Variants in PRKACB observed in about 807,000 individuals in gnomAD.
PRKACB encodes the protein protein kinase cAMP-activated catalytic subunit beta.
In PRKACB, 16 loss-of-function variants were observed where a neutral mutation model predicts 51.4. The observed-to-expected ratio is 0.31, with a 90% CI of 0.21 to 0.47. PRKACB has a LOEUF of 0.47. Among genes scored for constraint, PRKACB ranks in the 20% least tolerant of loss-of-function variants. The pLI is 1.00. For synonymous variants in PRKACB, 147 were observed against 154.4 expected (o/e 0.95, Z 0.35); for missense variants, 309 against 464.5 (o/e 0.67, Z 3.08).
At chr1:84,219,566 A>C (rs1456148871) in intron 9 of PRKACB, among the ~76,000 whole-genome samples, 2 of 151,680 alleles carry the variant, frequency 1.3e-5, no homozygotes, top group African/African-American at 4.9e-5. Flanking sequence ...GTTTTCTTCT[A>C]GTATTGTTAT....
chr1:84,125,669 A>G lies in PRKACB; in HGVS notation c.46+47298A>G, dbSNP rs543595310. On this transcript the variant is annotated intron_variant, in intron 1 of 8. Transcript: ENST00000370688. ...TAAGAGGAGGATCTACTTAATAGTT[A>G]AAGAAAATTTAAACCATCTTTCTTC... Among the ~76,000 whole-genome samples the G allele has an allele frequency of 1.0e-3, 157 of 152,330 alleles. 1 individual carries two copies. Among genetic ancestry groups the G allele is most frequent in the Non-Finnish European group, 1.9e-3 (127 of 68,020 alleles).
chr1:84,159,981 G>A (rs1022056036), intron 1 of PRKACB, among the ~76,000 whole-genome samples: 3 of 151,996 alleles, frequency 2.0e-5, no homozygotes, highest in Non-Finnish European at 4.4e-5. Flanking sequence ...TAAGTTTGCT[G>A]GCATTTTGAT....
intron 1 of PRKACB, among the ~76,000 whole-genome samples, chr1:84,121,050 T>A (rs1651023144): frequency 6.6e-6 from 1 of 152,128 alleles, no homozygotes; most frequent in Admixed American, 6.6e-5. Context: ...GTTTTATGTA[T>A]CTTTGTTATT....
chr1:84,109,274 G>A (rs1300407269), intron 1 of PRKACB, among the ~76,000 whole-genome samples: 1 of 151,818 alleles, frequency 6.6e-6, no homozygotes, highest in African/African-American at 2.4e-5. Flanking sequence ...CTAGGAGTAG[G>A]CATTCAGCTT....
intron 9 of PRKACB, among the ~76,000 whole-genome samples, chr1:84,219,761 A>G (rs576409346): frequency 4.0e-5 from 6 of 151,352 alleles, no homozygotes; most frequent in Non-Finnish European, 7.4e-5. Context: ...CTTAGGTGTA[A>G]TATGTGGATT....
rs1312898898 is a variant in PRKACB, at chr1:84,237,702, T to C, written c.*2397T>C. 1 of 152,158 alleles carries C rather than the reference T, an allele frequency of 6.6e-6. No individual in the cohort carries two copies. Among genetic ancestry groups the C allele is most frequent in the African/African-American group, 2.4e-5 (1 of 41,454 alleles). 9.4% of individuals were successfully genotyped at this position (152,158 alleles called of 1,614,324 possible). ...ATAAGATAAAAACTTGAATAAGAAG[T>C]AAGTAGCATAAATCAGTATTTAACC... On this transcript the variant is annotated 3_prime_UTR_variant, in exon 10 of 10. Coordinates refer to ENST00000370685, the MANE Select transcript of PRKACB (RefSeq NM_182948.4).
chr1:84,202,745 C>G lies in PRKACB; in HGVS notation c.846C>G (p.Gly282=), dbSNP rs754284090. Residue 282 remains glycine, a synonymous_variant, in exon 8 of 10, where the codon GGC becomes GGG. Transcript: ENST00000370685. ...LGVLIYEMAA[G]YPPFFADQPI... ...TGCTAATCTATGAAATGGCAGCTGG[C>G]TATCCCCCATTCTTTGCAGACCAAC... 1.9e-6 allele frequency: 3 copies of G among 1,609,998 alleles called. No homozygotes were observed. The highest frequency in any genetic ancestry group is 2.2e-5 in the East Asian group (1 of 44,734).
rs781174593 is a variant in PRKACB, at chr1:84,235,417, C to A, written c.*112C>A. The A allele has an allele frequency of 7.1e-7, 1 of 1,403,180 alleles. No homozygotes were observed. The highest frequency in any genetic ancestry group is 9.8e-7 in the Non-Finnish European group (1 of 1,017,894). The allele number at this position is 1,403,180 out of a possible 1,614,324, so 86.9% of individuals were successfully genotyped here. On this transcript the variant is annotated 3_prime_UTR_variant, in exon 10 of 10. Transcript: ENST00000370685. ...CAGTTACCTAGTTCCTTCATTCCAA[C>A]GACTGAGTGAGGTCTTTATTGCCAT...
chr1:84,097,599 G>T (rs1649021434), intron 1 of PRKACB, among the ~76,000 whole-genome samples: 1 of 151,918 alleles, frequency 6.6e-6, no homozygotes, highest in Admixed American at 6.6e-5. Context: ...GATTATGGAG[G>T]CTGATAAGTC....
intron 8 of PRKACB, among the ~76,000 whole-genome samples, chr1:84,211,887 A>T (rs751015318): frequency 5.9e-5 from 9 of 152,212 alleles, no homozygotes; most frequent in Non-Finnish European, 1.3e-4. Flanking sequence ...AGAAGTTCAC[A>T]TATCTTATTA....
intron 9 of PRKACB, among the ~76,000 whole-genome samples, chr1:84,229,394 G>C (rs1479769486): frequency 1.4e-5 from 1 of 73,704 alleles, no homozygotes; most frequent in African/African-American, 5.5e-5. Context: ...ATAAACATAC[G>C]TGTGCATGTG....
intron 1 of PRKACB, among the ~76,000 whole-genome samples, chr1:84,116,745 GATCATATCATC>G (rs1650668032): frequency 4.6e-5 from 7 of 152,060 alleles, no homozygotes; most frequent in Admixed American, 4.6e-4. Context: ...CTAGGTATAA[GATCATATCATC>G]AGCAAAGAGG....
intron 8 of PRKACB, 129 bp downstream of exon 8, chr1:84,202,934 G>A (rs1314109745): frequency 1.2e-6 from 1 of 815,724 alleles, no homozygotes; most frequent in African/African-American, 1.8e-5. Context: ...TACAGTTGCT[G>A]CTCTTACTAT....
At chr1:84,116,663 G>T (rs1650659405) in intron 1 of PRKACB, among the ~76,000 whole-genome samples, 2 of 152,080 alleles carry the variant, frequency 1.3e-5, no homozygotes. Flanking sequence ...TCTGTATGTT[G>T]ATTTTGTCTC....
chr1:84,194,105 C>T (rs751039767), intron 5 of PRKACB, among the ~76,000 whole-genome samples: 8 of 152,096 alleles, frequency 5.3e-5, no homozygotes, highest in Non-Finnish European at 8.8e-5. Context: ...CCTCTCCTAT[C>T]GTCCTCTCTC....
At chr1:84,084,641 G>C (rs1026542983) in intron 1 of PRKACB, among the ~76,000 whole-genome samples, 1 of 152,202 alleles carries the variant, frequency 6.6e-6, no homozygotes, top group Admixed American at 6.5e-5. Context: ...GGAGAAATTT[G>C]AAAAATTGAG....
intron 1 of PRKACB, chr1:84,173,285 T>C (rs1420167996): frequency 1.3e-6 from 2 of 1,492,730 alleles, no homozygotes; most frequent in Non-Finnish European, 1.8e-6. Flanking sequence ...GTAGGTATGT[T>C]ATTTTATGTG....
intron 7 of PRKACB, among the ~76,000 whole-genome samples, chr1:84,200,534 T>C (rs1669808691): frequency 6.6e-6 from 1 of 152,208 alleles, no homozygotes; most frequent in Admixed American, 6.5e-5. Flanking sequence ...TTGCTTTTGG[T>C]GTCTTTGTCA....
intron 8 of PRKACB, among the ~76,000 whole-genome samples, chr1:84,207,154 A>G (rs552919915): frequency 6.6e-6 from 1 of 152,286 alleles, no homozygotes; most frequent in African/African-American, 2.4e-5. Flanking sequence ...ATTCTTATTA[A>G]TACCTTCTTT....
Sources: allele counts gnomAD v4.1 joint callset (sites outside exome capture counted in the v4.1 genomes callset), GRCh38; gene constraint gnomAD v4.1.1; transcripts MANE v1.5; gene names NCBI Gene and HGNC (gene_info 2026-07-23, HGNC 2026-07-21).